COL9A3: variants seen among roughly 807,000 people sequenced by gnomAD.
COL9A3 encodes collagen type IX alpha 3 chain.
In COL9A3, 82 loss-of-function variants were observed where a neutral mutation model predicts 110.2. That is an observed-to-expected ratio of 0.74 (90% CI 0.62 to 0.89). The LOEUF is 0.89. COL9A3 is among the 40% of genes least tolerant of loss of function. COL9A3 has a pLI of 0.00. For synonymous variants in COL9A3, 494 were observed against 403.8 expected (o/e 1.22, Z -2.68); for missense variants, 1,066 against 981.3 (o/e 1.09, Z -1.15).
chr20:62,835,202 C>T (rs1359814053), intron 26 of COL9A3, among the ~76,000 whole-genome samples: 1 of 152,250 alleles, frequency 6.6e-6, no homozygotes, highest in African/African-American at 2.4e-5. Context: ...GCAGCTGTAA[C>T]AGAACACCGC....
Position 62,817,086 on chromosome 20 carries a change from G to A in COL9A3, c.22G>A (p.Ala8Thr), listed in dbSNP as rs1226702696. MAGPRAC[A>T]PLLLLLLLGE... Reference sequence around the variant, plus strand: ...AGCCATGGCCGGGCCGCGCGCGTGCGCCCCGCTCCTGCTCCTGCTCCTGCT... The same window carrying A: ...AGCCATGGCCGGGCCGCGCGCGTGCACCCCGCTCCTGCTCCTGCTCCTGCT... Residue 8 changes from alanine (A) to threonine (T), a missense_variant, in exon 1 of 32, where the codon GCC becomes ACC. Ala to Thr is a moderately conservative substitution (Grantham distance 58). Coordinates refer to ENST00000649368, the MANE Select transcript of COL9A3 (RefSeq NM_001853.4). 1.0e-5 allele frequency: 14 copies of A among 1,392,446 alleles called. No homozygotes were observed. The highest frequency in any genetic ancestry group is 3.0e-5 in the African/African-American group (2 of 66,366). 86.3% of individuals were successfully genotyped at this position (1,392,446 alleles called of 1,614,324 possible).
intron 1 of COL9A3, 155 bp from the exon 2 acceptor site, chr20:62,817,412 C>A: frequency 1.7e-6 from 1 of 595,934 alleles, no homozygotes; most frequent in Non-Finnish European, 2.9e-6. Flanking sequence ...GGACACACTG[C>A]GCGGGGGCGC....
Position 62,837,177 on chromosome 20 carries a change from A to G in COL9A3, c.1698A>G (p.Gly566=), listed in dbSNP as rs2063643423. ...CAGCTGGCCCCCCTGGGCCCCCAGG[A>G]CCCCCAGGCTCCATTGGTCACCCTG... ...PGPAGPPGPP[G]PPGSIGHPGA... The change falls in exon 30 of 32, where the codon GGA becomes GGG. Residue 566 remains glycine (G), a synonymous_variant. Coordinates refer to ENST00000649368, the MANE Select transcript of COL9A3 (RefSeq NM_001853.4). The G allele has an allele frequency of 1.8e-5, 29 of 1,612,010 alleles. No homozygotes were observed. The highest frequency in any genetic ancestry group is 2.5e-5 in the Non-Finnish European group (29 of 1,179,432).
At chr20:62,827,198 C>T (rs753760516) in intron 15 of COL9A3, 43 bp from the exon 16 acceptor site, 6 of 1,608,494 alleles carry the variant, frequency 3.7e-6, no homozygotes, top group Admixed American at 3.3e-5. Context: ...CCGACCAACT[C>T]CATGGTGTTA....
Position 62,836,271 on chromosome 20 carries a change from G to A in COL9A3, c.1486G>A (p.Gly496Ser), listed in dbSNP as rs1313019807. The change falls in exon 28 of 32, where the codon GGT (glycine) becomes AGT (serine). Residue 496 changes from glycine (G) to serine (S), a missense_variant. Coordinates refer to ENST00000649368, the MANE Select transcript of COL9A3 (RefSeq NM_001853.4). ...TGTTCAGGGTGTCCCCGGGCCCCCC[G>A]GTCCTCTGGGCCTGCAGGGCGTCCC... ...SGVQGVPGPP[G>S]PLGLQGVPGV... The A allele has an allele frequency of 5.0e-6, 8 of 1,613,732 alleles. No individual in the cohort carries two copies. The highest frequency in any genetic ancestry group is 2.7e-5 in the African/African-American group (2 of 74,944).
At chr20:62,825,562 GA>G in intron 12 of COL9A3, 1 of 584,518 alleles carries the variant, frequency 1.7e-6, no homozygotes, top group South Asian at 2.0e-5. Flanking sequence ...TGGCCACGAG[GA>G]GGGGCCTGGA....
At chr20:62,823,094 T>C (rs2063524053) in intron 10 of COL9A3, among the ~76,000 whole-genome samples, 1 of 152,212 alleles carries the variant, frequency 6.6e-6, no homozygotes, top group South Asian at 2.1e-4. Flanking sequence ...CCCAGCACTT[T>C]GGGAGGCCCA....
chr20:62,833,095 ACAG>A, intron 26 of COL9A3, 31 bp downstream of exon 26: 1 of 1,590,902 alleles, frequency 6.3e-7, no homozygotes, highest in Non-Finnish European at 8.6e-7. Flanking sequence ...ACTGTTACCA[ACAG>A]CTGGGAGCGA....
rs773213459 is a variant in COL9A3 at position 62,822,175 on chromosome 20, G to C, written c.477+11G>C. 1.3e-6 allele frequency: 2 copies of C among 1,546,292 alleles called. No individual in the cohort carries two copies. The highest frequency in any genetic ancestry group is 1.8e-6 in the Non-Finnish European group (2 of 1,118,916). ...CCTCCCGGACCCCCTGTAAGTACTG[G>C]GCAGAGGCTCTAAGAAGTGCTGGGC... On this transcript the variant is annotated intron_variant, in intron 9 of 31. Transcript: ENST00000649368.
chr20:62,825,051 A>T (rs2063539515), intron 12 of COL9A3, 30 bp downstream of exon 12: 1 of 1,573,028 alleles, frequency 6.4e-7, no homozygotes, highest in Non-Finnish European at 8.6e-7. Flanking sequence ...GCTGGGGAGG[A>T]GCTGGGGACT....
intron 9 of COL9A3, 33 bp from the exon 10 acceptor site, chr20:62,822,558 C>G: frequency 6.2e-7 from 1 of 1,609,804 alleles, no homozygotes; most frequent in Non-Finnish European, 8.5e-7. Context: ...CTGGGGAGGG[C>G]GGGAGAATGT....
Position 62,836,269 on chromosome 20 carries a change from C to G in COL9A3, c.1484C>G (p.Pro495Arg), listed in dbSNP as rs1200317520. 1 of 1,613,758 alleles carries G rather than the reference C, an allele frequency of 6.2e-7. No individual in the cohort carries two copies. The highest frequency in any genetic ancestry group is 8.5e-7 in the Non-Finnish European group (1 of 1,180,016). The part of the protein sequence containing the change: ...TSGVQGVPGP[P>R]GPLGLQGVPG... ...GGTGTTCAGGGTGTCCCCGGGCCCC[C>G]CGGTCCTCTGGGCCTGCAGGGCGTC... The change falls in exon 28 of 32, where the codon CCC becomes CGC. Residue 495 changes from proline to arginine, a missense_variant. Coordinates refer to ENST00000649368, the MANE Select transcript of COL9A3 (RefSeq NM_001853.4).
intron 10 of COL9A3, 148 bp downstream of exon 10, chr20:62,822,780 G>A (rs2063521720): frequency 1.3e-6 from 1 of 792,866 alleles, no homozygotes; most frequent in Non-Finnish European, 2.1e-6. Context: ...AGACAGCTCG[G>A]GCACAACCTG....
At chr20:62,821,585 G>A (rs2063513635) in intron 7 of COL9A3, 55 bp downstream of exon 7, 1 of 1,611,244 alleles carries the variant, frequency 6.2e-7, no homozygotes, top group South Asian at 1.1e-5. Context: ...CCGAGAGCCT[G>A]CCAGGCTGGG....
upstream of COL9A3, chr20:62,817,016 C>G (rs1268852802): frequency 8.9e-7 from 1 of 1,128,584 alleles, no homozygotes; most frequent in Non-Finnish European, 1.1e-6. Context: ...CCGCCCCGCC[C>G]GCCCGCGCGC....
intron 17 of COL9A3, among the ~76,000 whole-genome samples, chr20:62,828,327 C>T (rs11908631): frequency 0.19 from 28,275 of 152,216 alleles, 2,923 homozygotes; most frequent in African/African-American, 0.27. Flanking sequence ...CCTGAGCTCC[C>T]TTCTAGCCCC....
At chr20:62,828,611 C>T (rs1160411047) in intron 17 of COL9A3, among the ~76,000 whole-genome samples, 153 bp from the exon 18 acceptor site, 1 of 152,270 alleles carries the variant, frequency 6.6e-6, no homozygotes, top group African/African-American at 2.4e-5. Flanking sequence ...GGTTGCCACA[C>T]GGCCACCTTG....
chr20:62,827,194 A>C, intron 15 of COL9A3, 47 bp from the exon 16 acceptor site: 1 of 1,606,334 alleles, frequency 6.2e-7, no homozygotes, highest in Non-Finnish European at 8.5e-7. Flanking sequence ...CTCTCCGACC[A>C]ACTCCATGGT....
chr20:62,828,874 TC>T (rs1455457076), intron 18 of COL9A3, 48 bp from the exon 19 acceptor site: 1 of 1,612,318 alleles, frequency 6.2e-7, no homozygotes, highest in South Asian at 1.1e-5. Flanking sequence ...GAGTTCGGCC[TC>T]CCGAGGCCTC....
Sources: allele counts gnomAD v4.1 joint callset (sites outside exome capture counted in the v4.1 genomes callset), GRCh38; gene constraint gnomAD v4.1.1; transcripts MANE v1.5; gene names NCBI Gene and HGNC (gene_info 2026-07-23, HGNC 2026-07-21).